Variants in COL2A1 observed in about 807,000 individuals in gnomAD.
COL2A1 encodes collagen alpha-1(II) chain.
Under a neutral mutation model 204.5 loss-of-function variants are expected in COL2A1, and 28 were observed. The ratio of observed to expected loss-of-function variants is 0.14; its 90% confidence interval spans 0.10 to 0.19. The LOEUF is 0.19. Ranked by LOEUF, COL2A1 falls within the 10% of genes least tolerant of loss-of-function variation. The pLI, the probability that COL2A1 is intolerant of heterozygous loss-of-function variation, is 1.00. For missense variants in COL2A1, 1,388 were observed against 2,027.5 expected (o/e 0.68, Z 6.06); for synonymous variants, 708 against 718.7 (o/e 0.99, Z 0.24).
intron 25 of COL2A1, 29 bp from the exon 26 acceptor site, chr12:47,985,616 G>C (rs369675285): frequency 1.5e-5 from 25 of 1,613,302 alleles, no homozygotes; most frequent in Non-Finnish European, 2.1e-5. Context: ...AGAGGGTGGG[G>C]TCAGGAGCCG....
rs1306669510 is a variant in COL2A1, at chr12:47,976,046, A to G, written c.3514T>C (p.Ser1172Pro). The change falls in exon 50 of 54, where the codon TCT becomes CCT. Residue 1172 changes from serine (S) to proline (P), a missense_variant. Physicochemically the swap from Ser to Pro is moderately conservative, Grantham distance 74. Coordinates refer to ENST00000380518, the MANE Select transcript of COL2A1 (RefSeq NM_001844.5). This position sits in a 1 kb window ranked among gnomAD's most constrained non-coding sequence, Gnocchi z 4.3. ...ATTCCATTAGCACCATCTTTGCCAGAGGGACCGACGGGGCCAGGAGGACCC... is the reference window on the plus strand; with the variant it reads ...ATTCCATTAGCACCATCTTTGCCAGGGGGACCGACGGGGCCAGGAGGACCC... ...PRGPPGPVGPSGKDGANGIPG... is the reference protein window; with the variant it reads ...PRGPPGPVGPPGKDGANGIPG... 1 of 1,613,594 alleles carries G rather than the reference A, an allele frequency of 6.2e-7. No individual in the cohort carries two copies.
rs758457623 is a variant in COL2A1, at chr12:47,986,873, C to G, written c.1381G>C (p.Ala461Pro). Residue 461 changes from alanine to proline, a missense_variant, in exon 22 of 54, where the codon GCT (alanine) becomes CCT (proline). By Grantham distance (27) the Ala-to-Pro change is conservative. Around this residue, in one of 3 missense-constraint regions of COL2A1, gnomAD observed 884 missense variants for 1,415.8 expected, o/e 0.62. Transcript: ENST00000380518. ...GGGCCTTGTTCACCTTTGAAGCCAG[C>G]AATACCAGGTTCACCCTTGAAAAGA... ...PKGQTGEPGI[A>P]GFKGEQGPKG... 5 of 1,614,042 alleles carry G rather than the reference C, an allele frequency of 3.1e-6. No individual in the cohort carries two copies. The African/African-American group carries it at 6.7e-5, about 22-fold the overall frequency.
chr12:47,984,132 A>G lies in COL2A1; in HGVS notation c.1896T>C (p.Pro632=), dbSNP rs975857358. ...CAGCACCTGTCTCACCATCTTTGCC[A>G]GGAAGACCCTAGACAGAAGAGAAAA... ...LPGAPGLRGL[P]GKDGETGAAG... is the part of the protein sequence containing the mutation. Residue 632 remains proline (P), a synonymous_variant, in exon 29 of 54, where the codon CCT becomes CCC. Transcript: ENST00000380518. The G allele has an allele frequency of 1.2e-6, 2 of 1,613,426 alleles. No homozygotes were observed.
At chr12:47,988,088 C>T (rs762995538) in intron 18 of COL2A1, among the ~76,000 whole-genome samples, 5 of 152,208 alleles carry the variant, frequency 3.3e-5, no homozygotes, top group African/African-American at 1.2e-4. Flanking sequence ...GGACACCGCT[C>T]TCTCCCCCAC....
At chr12:47,979,019 T>C (rs1469613555) in intron 41 of COL2A1, among the ~76,000 whole-genome samples, 1 of 151,690 alleles carries the variant, frequency 6.6e-6, no homozygotes, top group African/African-American at 2.4e-5. Flanking sequence ...GAATCTCTCC[T>C]CCCTCCTCCC....
In COL2A1 at chr12:47,989,148, G is replaced by C. The variant is rs965481509; in HGVS notation, c.1122+80C>G. ...TCAGAAGGGAGCAGGTGGTTGTTGA[G>C]GGAGCAATGAGCAAGGGTTACGGGG... On this transcript the variant is annotated intron_variant, in intron 18 of 53. Transcript: ENST00000380518. 3 of 1,206,754 alleles carry C rather than the reference G, an allele frequency of 2.5e-6. No individual in the cohort carries two copies. In the African/African-American group the frequency reaches 4.5e-5, roughly 18 times the overall value. The allele number at this position is 1,206,754 out of a possible 1,614,324, so 74.8% of individuals were successfully genotyped here.
In COL2A1 at chr12:48,004,296, G is replaced by C. The variant is rs557946588; in HGVS notation, c.26C>G (p.Thr9Arg). ...GACGAGCAGCGTCAGCAGCACCAGC[G>C]TCTGGGGAGCCCCGAGGCGAATCAT... MIRLGAPQ[T>R]LVLLTLLVAA... Residue 9 changes from threonine to arginine, a missense_variant, in exon 1 of 54, where the codon ACG becomes AGG. Transcript: ENST00000380518. The C allele has an allele frequency of 2.6e-6, 4 of 1,550,108 alleles. No individual in the cohort carries two copies. The South Asian group carries it at 4.8e-5, about 18-fold the overall frequency.
At position 47,982,636 on chromosome 12, in the gene COL2A1, G is replaced by A. The variant is rs753438281; in HGVS notation, c.2194-27C>T. On this transcript the variant is annotated intron_variant, in intron 33 of 53. Coordinates refer to ENST00000380518, the MANE Select transcript of COL2A1 (RefSeq NM_001844.5). ...TGGGGAGGGAGGTAAGAGGGAGTCT[G>A]TAGTGGACAGCACCTCTCCCTGAAC... 6.5e-6 allele frequency: 10 copies of A among 1,530,502 alleles called. No individual in the cohort carries two copies. In the East Asian group the frequency reaches 1.8e-4, roughly 28 times the overall value. 94.8% of individuals were successfully genotyped at this position (1,530,502 alleles called of 1,614,324 possible). A position where few individuals can be genotyped will look rare whatever the true frequency, so the allele number is the denominator to read the frequency against.
rs1471459639 is a variant in COL2A1 at position 47,982,172 on chromosome 12, G to A, written c.2302-12C>T. 6 of 1,613,376 alleles carry A rather than the reference G, an allele frequency of 3.7e-6. No individual in the cohort carries two copies. In the South Asian group the frequency reaches 6.6e-5, roughly 18 times the overall value. On this transcript the variant is annotated splice_polypyrimidine_tract_variant and intron_variant, in intron 34 of 53. Transcript: ENST00000380518. ...TCACCAACGTCACCCTGAGGGAAGA[G>A]AAAACCAGCCGCCTCAGCCAGGCAC...
intron 33 of COL2A1, 22 bp downstream of exon 33, chr12:47,982,826 T>A (rs761867463): frequency 3.1e-6 from 5 of 1,601,362 alleles, no homozygotes; most frequent in Non-Finnish European, 4.3e-6. Context: ...CGAAGACCCC[T>A]ACAGGATGCA....
Position 47,978,476 on chromosome 12 carries a change from C to T in COL2A1, c.2896-78G>A, listed in dbSNP as rs553724015. ...TCCTCTCAGCACAGCTCTGTCTGTG[C>T]AGCCCCGCTCCCTGGCATCCCCACG... On this transcript the variant is annotated intron_variant, in intron 42 of 53. Coordinates refer to ENST00000380518, the MANE Select transcript of COL2A1 (RefSeq NM_001844.5). This position sits in a 1 kb window ranked among gnomAD's most constrained non-coding sequence, Gnocchi z 5.5. 59 of 1,575,080 alleles carry T rather than the reference C, an allele frequency of 3.7e-5. No individual in the cohort carries two copies. The African/African-American group carries it at 7.2e-4, about 19-fold the overall frequency.
intron 18 of COL2A1, among the ~76,000 whole-genome samples, chr12:47,988,097 A>C (rs1026700372): frequency 1.3e-5 from 2 of 151,560 alleles, no homozygotes; most frequent in Admixed American, 6.6e-5. Flanking sequence ...TCTCTCCCCC[A>C]CCTCCTGTTT....
intron 16 of COL2A1, among the ~76,000 whole-genome samples, chr12:47,992,458 A>G (rs1635535): frequency 0.75 from 114,665 of 151,988 alleles, 44,050 homozygotes; most frequent in Non-Finnish European, 0.85. Context: ...AACATCCCTC[A>G]CAGCAGCAGC....
At chr12:47,983,160 T>C in intron 31 of COL2A1, 23 bp from the exon 32 acceptor site, 4 of 1,611,800 alleles carry the variant, frequency 2.5e-6, no homozygotes, top group Non-Finnish European at 3.4e-6. Flanking sequence ...GAAAGATGTG[T>C]GAGAGTGAAG....
Position 48,004,274 on chromosome 12 carries a change from G to A in COL2A1, c.48C>T (p.Leu16=), listed in dbSNP as rs944161670. 1.9e-6 allele frequency: 3 copies of A among 1,550,130 alleles called. No individual in the cohort carries two copies. Among genetic ancestry groups the A allele is most frequent in the East Asian group, 2.4e-5 (1 of 40,886 alleles). ...CCTGACACCGAAGGACAGCGGCGAC[G>A]AGCAGCGTCAGCAGCACCAGCGTCT... is the stretch of plus-strand genomic sequence containing the variant. The part of the protein sequence containing the change: ...APQTLVLLTL[L]VAAVLRCQGQ... The change falls in exon 1 of 54, where the codon CTC becomes CTT. Residue 16 remains leucine, a synonymous_variant. Transcript: ENST00000380518.
At chr12:47,994,122 C>A in intron 12 of COL2A1, 75 bp from the exon 13 acceptor site, 2 of 1,523,184 alleles carry the variant, frequency 1.3e-6, no homozygotes, top group African/African-American at 2.7e-5. Flanking sequence ...TGCAGGAGGG[C>A]CTCCAGTTCC....
rs1297251033 is a variant in COL2A1, at chr12:47,993,806, C to T, written c.924+3G>A. The T allele has an allele frequency of 1.9e-6, 3 of 1,614,010 alleles. No individual in the cohort carries two copies. In the African/African-American group the frequency reaches 4.0e-5, roughly 22 times the overall value. On this transcript the variant is annotated splice_donor_region_variant and intron_variant, in intron 14 of 53. Coordinates refer to ENST00000380518, the MANE Select transcript of COL2A1 (RefSeq NM_001844.5). Reference sequence around the variant, plus strand: ...CATCCCATTGTACTTTCTGGCCTCTCACCTTCACACCAGGAGCACCCGCCT... The same window carrying T: ...CATCCCATTGTACTTTCTGGCCTCTTACCTTCACACCAGGAGCACCCGCCT...
intron 50 of COL2A1, 32 bp downstream of exon 50, chr12:47,975,931 C>G (rs1197561237): frequency 3.9e-6 from 6 of 1,541,590 alleles, no homozygotes; most frequent in Admixed American, 1.7e-5. Context: ...GTAGGGACAC[C>G]TCGACAGCAG....
chr12:47,988,219 C>T (rs1458584141), intron 18 of COL2A1, among the ~76,000 whole-genome samples: 1 of 152,132 alleles, frequency 6.6e-6, no homozygotes, highest in Non-Finnish European at 1.5e-5. Flanking sequence ...CTGGCTCCGG[C>T]CCCAGTCTGT....
Sources: allele counts gnomAD v4.1 joint callset (sites outside exome capture counted in the v4.1 genomes callset), GRCh38; gene constraint gnomAD v4.1.1; regional missense constraint gnomAD v4.1.1; non-coding constraint Gnocchi (gnomAD v3.1); transcripts MANE v1.5; gene names NCBI Gene and HGNC (gene_info 2026-07-23, HGNC 2026-07-21).